The following AGMO variants were observed in gnomAD, a reference collection of about 807,000 sequenced individuals.
AGMO encodes the protein glyceryl-ether monooxygenase.
A neutral mutation model predicts 60.2 loss-of-function variants in AGMO; 75 were observed. That is an observed-to-expected ratio of 1.25 (90% CI 1.03 to 1.51). The LOEUF is 1.51. AGMO is among the 40% of genes most tolerant of loss of function. AGMO has a pLI of 0.00. For synonymous variants in AGMO, 261 were observed against 177.1 expected (o/e 1.47, Z -3.76); for missense variants, 763 against 525.5 (o/e 1.45, Z -4.42).
chr7:15,199,566 A>G (rs181218848), downstream of AGMO, among the ~76,000 whole-genome samples: 9 of 152,290 alleles, frequency 5.9e-5, no homozygotes, highest in Admixed American at 2.6e-4. Context: ...TTTCTTTGCC[A>G]TTACTGAAGA....
chr7:15,118,876 A>ATTT, the AGMO span, among the ~76,000 whole-genome samples: 18 of 81,758 alleles, frequency 2.2e-4, 3 homozygotes, highest in East Asian at 1.1e-3. Context: ...AGACGTCAGT[A>ATTT]TTTTTTTTTT....
rs1782949798 is a variant in AGMO, at chr7:15,365,715, A to G, written c.1158-96T>C. The G allele has an allele frequency of 1.9e-5, 15 of 809,674 alleles. 1 individual carries two copies. In the South Asian group the frequency reaches 2.8e-4, roughly 15 times the overall value. 50.2% of individuals were successfully genotyped at this position (809,674 alleles called of 1,614,324 possible). ...TATAAACTTCTCATTCTCAAGAAAT[A>G]CCTAGTATTTTAATATATTTGAAAA... On this transcript the variant is annotated intron_variant, in intron 11 of 12. Coordinates refer to ENST00000342526, the MANE Select transcript of AGMO (RefSeq NM_001004320.2).
At chr7:15,285,049 C>T (rs938004544) in intron 12 of AGMO, among the ~76,000 whole-genome samples, 14 of 151,722 alleles carry the variant, frequency 9.2e-5, no homozygotes, top group Non-Finnish European at 1.5e-5. Context: ...TAAAAATCCT[C>T]AACAAACTAG....
At chr7:15,403,486 T>G (rs938454214) in intron 5 of AGMO, among the ~76,000 whole-genome samples, 2 of 151,374 alleles carry the variant, frequency 1.3e-5, no homozygotes, top group African/African-American at 4.9e-5. Context: ...TACTAATTTA[T>G]GTATTTATTA....
chr7:15,368,147 G>A (rs975253850), intron 10 of AGMO, among the ~76,000 whole-genome samples: 1 of 151,880 alleles, frequency 6.6e-6, no homozygotes, highest in African/African-American at 2.4e-5. Flanking sequence ...TTAGGAATAG[G>A]GGCACAATGA....
At chr7:15,540,303 C>A (rs1784591573) in intron 3 of AGMO, among the ~76,000 whole-genome samples, 1 of 152,102 alleles carries the variant, frequency 6.6e-6, no homozygotes, top group Non-Finnish European at 1.5e-5. Context: ...TATATAGATC[C>A]CAGAGTGTAT....
intron 5 of AGMO, among the ~76,000 whole-genome samples, chr7:15,414,945 C>A (rs1288775257): frequency 6.6e-6 from 1 of 152,060 alleles, no homozygotes; most frequent in African/African-American, 2.4e-5. Flanking sequence ...ACAAAGAAAT[C>A]TGGCATCTTG....
intron 12 of AGMO, among the ~76,000 whole-genome samples, chr7:15,287,644 C>G (rs750678559): frequency 7.9e-5 from 12 of 152,128 alleles, no homozygotes; most frequent in Non-Finnish European, 1.6e-4. Context: ...TAATCCAAAA[C>G]ACACTGAGAA....
At chr7:15,453,922 T>C (rs7779013) in intron 3 of AGMO, among the ~76,000 whole-genome samples, 26,689 of 148,928 alleles carry the variant, frequency 0.18, 2,512 homozygotes, top group Middle Eastern at 0.28. Context: ...CAAAATATAA[T>C]GTTTCATTAT....
chr7:15,376,376 A>AT (rs971954137), intron 10 of AGMO, among the ~76,000 whole-genome samples: 14 of 112,000 alleles, frequency 1.3e-4, no homozygotes, highest in South Asian at 5.1e-4. Flanking sequence ...AAATATATTG[A>AT]TTTTTTTACA....
intron 3 of AGMO, 88 bp from the exon 4 acceptor site, chr7:15,431,196 G>A (rs1172721395): frequency 2.3e-6 from 2 of 860,876 alleles, no homozygotes; most frequent in Admixed American, 4.5e-5. Context: ...TGTTGAGTGA[G>A]GAAGAAAAAT....
intron 4 of AGMO, among the ~76,000 whole-genome samples, chr7:15,419,497 T>C (rs1444463906): frequency 6.6e-6 from 1 of 152,040 alleles, no homozygotes; most frequent in East Asian, 1.9e-4. Context: ...AGACTGGATG[T>C]TTTAAAAATA....
chr7:15,361,409 G>C (rs964052269), intron 12 of AGMO, among the ~76,000 whole-genome samples: 1 of 151,204 alleles, frequency 6.6e-6, no homozygotes, highest in African/African-American at 2.4e-5. Flanking sequence ...GCGTGGTGGC[G>C]GGCACCTGTA....
At chr7:15,239,952 C>T (rs1782540512) in intron 12 of AGMO, among the ~76,000 whole-genome samples, 1 of 152,094 alleles carries the variant, frequency 6.6e-6, no homozygotes, top group South Asian at 2.1e-4. Context: ...TTGAAATTAG[C>T]ATTTTCCCTT....
At chr7:15,519,569 G>C (rs1343695674) in intron 3 of AGMO, among the ~76,000 whole-genome samples, 1 of 152,042 alleles carries the variant, frequency 6.6e-6, no homozygotes, top group Non-Finnish European at 1.5e-5. Flanking sequence ...CTTCATAAGT[G>C]AAGAAAAAAT....
At chr7:15,444,346 G>A (rs986671757) in intron 3 of AGMO, among the ~76,000 whole-genome samples, 19 of 151,988 alleles carry the variant, frequency 1.3e-4, no homozygotes, top group Admixed American at 9.8e-4. Context: ...CTTTGGAAAT[G>A]TTTGCTTGAC....
At chr7:15,305,669 A>G (rs1226018879) in intron 12 of AGMO, among the ~76,000 whole-genome samples, 2 of 152,000 alleles carry the variant, frequency 1.3e-5, no homozygotes, top group Non-Finnish European at 2.9e-5. Context: ...ATTTGTAAAG[A>G]AGATCTGGAT....
intron 3 of AGMO, among the ~76,000 whole-genome samples, chr7:15,458,584 C>G (rs997209348): frequency 7.2e-5 from 11 of 152,138 alleles, no homozygotes; most frequent in African/African-American, 2.2e-4. Flanking sequence ...CATTATTCAT[C>G]TCACTTTTGC....
At chr7:15,279,280 C>T (rs562110851) in intron 12 of AGMO, among the ~76,000 whole-genome samples, 195 of 152,268 alleles carry the variant, frequency 1.3e-3, no homozygotes, top group African/African-American at 4.5e-3. Context: ...CCCAGCTCAG[C>T]AGGCTGCCTG....
Sources: gnomAD v4.1 joint callset for allele counts (sites outside exome capture counted in the v4.1 genomes callset) on GRCh38, gnomAD v4.1.1 for gene constraint, MANE v1.5 for transcripts, NCBI Gene and HGNC (gene_info 2026-07-23, HGNC 2026-07-21) for gene names.